TVP23A: variants seen among roughly 807,000 people sequenced by gnomAD.
TVP23A encodes Golgi apparatus membrane protein TVP23 homolog A.
Under a neutral mutation model 31.7 loss-of-function variants are expected in TVP23A, and 21 were observed. The ratio of observed to expected loss-of-function variants is 0.66; its 90% CI spans 0.47 to 0.95. The LOEUF (loss-of-function observed/expected upper bound fraction) is 0.95. TVP23A is among the 40% of genes least tolerant of loss of function. The pLI is 0.00. For synonymous variants in TVP23A, 104 were observed against 96.0 expected (o/e 1.08, Z -0.49); for missense variants, 279 against 255.6 (o/e 1.09, Z -0.62).
chr16:10,784,713 T>C (rs915350860), intron 2 of TVP23A, among the ~76,000 whole-genome samples: 2 of 152,230 alleles, frequency 1.3e-5, no homozygotes, highest in African/African-American at 2.4e-5. Flanking sequence ...TAATGCAAGA[T>C]GTTTAAAATG....
At position 10,818,236 on chromosome 16, in the gene TVP23A, C is replaced by A; in HGVS notation, c.10-54G>T. On this transcript the variant is annotated intron_variant, in intron 1 of 7. Transcript: ENST00000299866. The surrounding 1 kb of genome is among the most constrained non-coding windows in gnomAD (Gnocchi z 4.7). ...GCCCAAGCACGGCGCACACCCCAAC[C>A]CCACCCGCCCTGTCCTCCTGGGCTT... The A allele has an allele frequency of 7.0e-7, 1 of 1,437,678 alleles. No homozygotes were observed. The highest frequency in any genetic ancestry group is 2.5e-5 in the East Asian group (1 of 40,576). The allele number at this position is 1,437,678 out of a possible 1,614,324, so 89.1% of individuals were successfully genotyped here. A position where few individuals can be genotyped will look rare whatever the true frequency, so the allele number is the denominator to read the frequency against.
rs982307843 is a variant in TVP23A at position 10,818,335 on chromosome 16, G to C, written c.9+150C>G. 1.5e-6 allele frequency: 2 copies of C among 1,374,960 alleles called. No individual in the cohort carries two copies. The highest frequency in any genetic ancestry group is 2.9e-5 in the African/African-American group (2 of 69,800). 85.2% of individuals were successfully genotyped at this position (1,374,960 alleles called of 1,614,324 possible). A position where few individuals can be genotyped will look rare whatever the true frequency, so the allele number is the denominator to read the frequency against. On this transcript the variant is annotated intron_variant, in intron 1 of 7. Coordinates refer to ENST00000299866, the MANE Select transcript of TVP23A (RefSeq NM_001079512.4). This position sits in a 1 kb window ranked among gnomAD's most constrained non-coding sequence, Gnocchi z 4.7. ...GCGGGGCCCCTCCGCTGCGGCTGCA[G>C]TGCAAAGCCCTCTCCACCCTCCCGA...
At chr16:10,801,488 G>A (rs771913077) in intron 2 of TVP23A, among the ~76,000 whole-genome samples, 2 of 151,632 alleles carry the variant, frequency 1.3e-5, no homozygotes, top group East Asian at 3.9e-4. Flanking sequence ...CCTGAGTCTC[G>A]CTCTGTCACC....
At chr16:10,775,639 T>G in intron 2 of TVP23A, 1 of 756,126 alleles carries the variant, frequency 1.3e-6, no homozygotes, top group African/African-American at 1.9e-5. Context: ...TGGCATTTAA[T>G]CTAGGGGAAG....
At chr16:10,792,146 C>T (rs1233719805) in intron 2 of TVP23A, among the ~76,000 whole-genome samples, 1 of 152,206 alleles carries the variant, frequency 6.6e-6, no homozygotes, top group Non-Finnish European at 1.5e-5. Flanking sequence ...TTCGGAAGCC[C>T]TTCTCTCTCA....
chr16:10,766,670 A>C (rs558928710), downstream of TVP23A: 84 of 313,848 alleles, frequency 2.7e-4, no homozygotes, highest in African/African-American at 1.8e-3. This position sits in a 1 kb window ranked among gnomAD's most constrained non-coding sequence, Gnocchi z 4.8. Flanking sequence ...GACAAAACGC[A>C]CAAAGAAAGG....
chr16:10,809,249 T>A (rs1400844177), intron 2 of TVP23A, among the ~76,000 whole-genome samples: 2 of 152,182 alleles, frequency 1.3e-5, no homozygotes, highest in African/African-American at 4.8e-5. Context: ...CCAGAAGGTG[T>A]CATGGTCACT....
chr16:10,790,507 G>C (rs1466487173), intron 2 of TVP23A, among the ~76,000 whole-genome samples: 1 of 152,036 alleles, frequency 6.6e-6, no homozygotes, highest in Non-Finnish European at 1.5e-5. Flanking sequence ...GGATGGTCTT[G>C]ATCTCCTCAC....
chr16:10,812,551 G>A (rs1277307560), intron 2 of TVP23A, among the ~76,000 whole-genome samples: 1 of 152,156 alleles, frequency 6.6e-6, no homozygotes, highest in Non-Finnish European at 1.5e-5. Flanking sequence ...TTCATATCAT[G>A]GAACTATTAT....
At chr16:10,769,141 C>A in intron 7 of TVP23A, 40 bp from the exon 8 acceptor site, 1 of 1,601,874 alleles carries the variant, frequency 6.2e-7, no homozygotes, top group Non-Finnish European at 8.6e-7. Context: ...AGTTACCGAG[C>A]GAGGCACTCA....
At chr16:10,758,179 T>C, downstream of TVP23A, 1 of 839,270 alleles carries the variant, frequency 1.2e-6, no homozygotes, top group Non-Finnish European at 1.8e-6. Context: ...AAACCTCGTG[T>C]TAAAAACTTC....
At chr16:10,762,834 C>G (rs930440210), downstream of TVP23A, among the ~76,000 whole-genome samples, 1 of 151,350 alleles carries the variant, frequency 6.6e-6, no homozygotes, top group South Asian at 2.1e-4. Context: ...GGGCGGGGCC[C>G]GTGGAGAGCC....
In TVP23A at chr16:10,818,323, G is replaced by A; in HGVS notation, c.10-141C>T. 2 of 1,196,518 alleles carry A rather than the reference G, an allele frequency of 1.7e-6. No homozygotes were observed. The highest frequency in any genetic ancestry group is 1.3e-5 in the South Asian group (1 of 74,610). The allele number at this position is 1,196,518 out of a possible 1,614,324, so 74.1% of individuals were successfully genotyped here. A position where few individuals can be genotyped will look rare whatever the true frequency, so the allele number is the denominator to read the frequency against. On this transcript the variant is annotated intron_variant, in intron 1 of 7. Transcript: ENST00000299866. The surrounding 1 kb of genome is among the most constrained non-coding windows in gnomAD (Gnocchi z 4.7). ...CCCTCCGAGCTGGCGGGGCCCCTCC[G>A]CTGCGGCTGCAGTGCAAAGCCCTCT...
intron 6 of TVP23A, among the ~76,000 whole-genome samples, chr16:10,770,863 C>A (rs2142869506): frequency 1.5e-5 from 1 of 66,582 alleles, no homozygotes; most frequent in Non-Finnish European, 2.6e-5. Flanking sequence ...GTGAGACTCC[C>A]ATCTCAAAAA....
intron 2 of TVP23A, chr16:10,808,522 T>A (rs756532121): frequency 6.6e-6 from 3 of 455,030 alleles, no homozygotes; most frequent in Non-Finnish European, 1.3e-5. Flanking sequence ...GCAGGCTGGG[T>A]GCAGTGGCTC....
Position 10,818,522 on chromosome 16 carries a change from A to T in TVP23A, c.-29T>A. Reference sequence around the variant, plus strand: ...CCTCCCAGGAGCCCACCTGGCGCCCAGGCCCGGGGCTCCAGCTCCGCCCGT... The same window carrying T: ...CCTCCCAGGAGCCCACCTGGCGCCCTGGCCCGGGGCTCCAGCTCCGCCCGT... On this transcript the variant is annotated 5_prime_UTR_variant, in exon 1 of 8. Transcript: ENST00000299866. This position sits in a 1 kb window ranked among gnomAD's most constrained non-coding sequence, Gnocchi z 4.7. The T allele has an allele frequency of 6.3e-7, 1 of 1,599,946 alleles. No individual in the cohort carries two copies. Among genetic ancestry groups the T allele is most frequent in the Non-Finnish European group, 8.5e-7 (1 of 1,177,722 alleles).
chr16:10,818,362 C>A lies in TVP23A; in HGVS notation c.9+123G>T. The A allele has an allele frequency of 6.9e-7, 1 of 1,456,988 alleles. No individual in the cohort carries two copies. Among genetic ancestry groups the A allele is most frequent in the Non-Finnish European group, 9.3e-7 (1 of 1,074,868 alleles). 90.3% of individuals were successfully genotyped at this position (1,456,988 alleles called of 1,614,324 possible). A position where few individuals can be genotyped will look rare whatever the true frequency, so the allele number is the denominator to read the frequency against. On this transcript the variant is annotated intron_variant, in intron 1 of 7. Transcript: ENST00000299866. This position sits in a 1 kb window ranked among gnomAD's most constrained non-coding sequence, Gnocchi z 4.7. ...GCAAAGCCCTCTCCACCCTCCCGAC[C>A]ACCGGGTGCAGCCCAGCCCCAGGCC...
chr16:10,773,992 C>T, intron 4 of TVP23A, 47 bp downstream of exon 4: 3 of 1,470,840 alleles, frequency 2.0e-6, no homozygotes, highest in East Asian at 4.7e-5. Context: ...AAACTTTCCA[C>T]ACCCATTATC....
chr16:10,795,914 G>T (rs777630615), intron 2 of TVP23A, among the ~76,000 whole-genome samples: 29 of 152,152 alleles, frequency 1.9e-4, no homozygotes, highest in Non-Finnish European at 3.2e-4. Flanking sequence ...CTCGGATCTG[G>T]ATAACATCAG....
Sources: allele counts gnomAD v4.1 joint callset (sites outside exome capture counted in the v4.1 genomes callset), GRCh38; gene constraint gnomAD v4.1.1; non-coding constraint Gnocchi (gnomAD v3.1); transcripts MANE v1.5; gene names NCBI Gene and HGNC (gene_info 2026-07-23, HGNC 2026-07-21).